Variants in LRMDA observed in about 807,000 individuals in gnomAD.
LRMDA encodes the protein leucine rich melanocyte differentiation associated, also known as leucine-rich melanocyte differentiation-associated protein.
Under a neutral mutation model 29.8 loss-of-function variants are expected in LRMDA, and 18 were observed. That is an observed-to-expected ratio of 0.60 (90% confidence interval 0.42 to 0.90). The LOEUF (loss-of-function observed/expected upper bound fraction) is 0.90, where lower values mean the gene tolerates loss of function less well. LRMDA is among the 40% of genes least tolerant of loss of function. The probability of loss-of-function intolerance (pLI) is 0.00; values close to 1 mark genes in which losing one functional copy is unlikely to be tolerated. For synonymous variants in LRMDA, 125 were observed against 109.4 expected (o/e 1.14, Z -0.89); for missense variants, 273 against 273.9 (o/e 1.00, Z 0.02).
intron 5 of LRMDA, among the ~76,000 whole-genome samples, chr10:76,063,310 G>T (rs919302448): frequency 5.9e-5 from 9 of 152,144 alleles, no homozygotes; most frequent in African/African-American, 1.7e-4. Context: ...GTTTATGTGG[G>T]CACAGTGTGT....
At chr10:75,464,806 T>C (rs1169565708) in intron 2 of LRMDA, among the ~76,000 whole-genome samples, 1 of 152,122 alleles carries the variant, frequency 6.6e-6, no homozygotes, top group South Asian at 2.1e-4. Flanking sequence ...AAGGGCAAAA[T>C]ATGTGCAGCC....
At chr10:75,596,390 C>T (rs867334352) in intron 2 of LRMDA, among the ~76,000 whole-genome samples, 1 of 152,190 alleles carries the variant, frequency 6.6e-6, no homozygotes, top group Non-Finnish European at 1.5e-5. Flanking sequence ...TGAGTTTGTC[C>T]AGTTAGTTGG....
intron 2 of LRMDA, among the ~76,000 whole-genome samples, chr10:75,919,031 A>G (rs940743455): frequency 2.0e-5 from 3 of 152,178 alleles, no homozygotes; most frequent in Non-Finnish European, 2.9e-5. Context: ...GGCTTTACGT[A>G]TCTTAAATCA....
At chr10:76,417,110 A>G (rs1450502519) in intron 6 of LRMDA, among the ~76,000 whole-genome samples, 1 of 152,172 alleles carries the variant, frequency 6.6e-6, no homozygotes, top group African/African-American at 2.4e-5. Context: ...GAAATTACAG[A>G]TTGCATCAAC....
chr10:75,478,726 G>A (rs1844823934), intron 2 of LRMDA, among the ~76,000 whole-genome samples: 1 of 152,122 alleles, frequency 6.6e-6, no homozygotes, highest in South Asian at 2.1e-4. Flanking sequence ...AATACATAAG[G>A]ATTTCCGTGG....
intron 5 of LRMDA, among the ~76,000 whole-genome samples, chr10:76,104,914 G>T (rs1276405022): frequency 6.6e-6 from 1 of 152,056 alleles, no homozygotes; most frequent in East Asian, 1.9e-4. Context: ...CTCCATTGCT[G>T]TTTCTAGAAT....
At chr10:76,035,611 G>A (rs552652713) in intron 2 of LRMDA, among the ~76,000 whole-genome samples, 11 of 152,356 alleles carry the variant, frequency 7.2e-5, no homozygotes, top group African/African-American at 2.6e-4. Flanking sequence ...TTGAATTTGT[G>A]TCCAGGGAAT....
At chr10:75,647,043 G>T (rs1174832616) in intron 2 of LRMDA, among the ~76,000 whole-genome samples, 1 of 148,162 alleles carries the variant, frequency 6.7e-6, no homozygotes, top group Middle Eastern at 3.4e-3. Context: ...AAACTTGGCC[G>T]GCAGTCCCAT....
At chr10:76,064,058 A>T (rs1300449613) in intron 5 of LRMDA, among the ~76,000 whole-genome samples, 2 of 152,208 alleles carry the variant, frequency 1.3e-5, no homozygotes, top group South Asian at 2.1e-4. Flanking sequence ...ATATTGGAAG[A>T]TCCATCATGA....
chr10:75,760,393 G>C lies in LRMDA; in HGVS notation c.132-275615G>C, dbSNP rs144257435. Among the ~76,000 whole-genome samples the C allele has an allele frequency of 4.2e-3, 639 of 152,292 alleles. 1 individual carries two copies. Among genetic ancestry groups the C allele is most frequent in the Non-Finnish European group, 7.2e-3 (488 of 68,026 alleles). On this transcript the variant is annotated intron_variant, in intron 2 of 6. Transcript: ENST00000611255. ...AATGGATGCCTGGACCCCCAAGATGGGATTGAGAGTGGCTGGAAAGGGCAG... is the reference window on the plus strand; with the variant it reads ...AATGGATGCCTGGACCCCCAAGATGCGATTGAGAGTGGCTGGAAAGGGCAG...
rs1183989010 is a variant in LRMDA at position 75,578,215 on chromosome 10, CAAAAAAAA to C, written c.131+139738_131+139745del. On this transcript the variant is annotated intron_variant, in intron 2 of 6. Coordinates refer to ENST00000611255, the MANE Select transcript of LRMDA (RefSeq NM_001305581.2). ...GTATATTTACCAAGCAAATGGAAAG[CAAAAAAAA>C]AAAAAAAAAAAAAAAAGCAGCAGTT... 4.9e-4 allele frequency among the ~76,000 whole-genome samples: 7 copies of C among 14,226 alleles called. 1 individual carries two copies. Among genetic ancestry groups the C allele is most frequent in the East Asian group, 0.02 (2 of 98 alleles). 9.3% of individuals were successfully genotyped at this position (14,226 alleles called of 152,430 possible). A position where few individuals can be genotyped will look rare whatever the true frequency, so the allele number is the denominator to read the frequency against.
At chr10:76,058,947 G>A (rs7067908) in intron 5 of LRMDA, among the ~76,000 whole-genome samples, 164 bp downstream of exon 5, 168 of 152,306 alleles carry the variant, frequency 1.1e-3, no homozygotes, top group African/African-American at 4.0e-3. Context: ...AATAGGGTTA[G>A]GTGTAAATTG....
At chr10:75,522,167 T>G (rs937280373) in intron 2 of LRMDA, among the ~76,000 whole-genome samples, 1 of 152,230 alleles carries the variant, frequency 6.6e-6, no homozygotes, top group Non-Finnish European at 1.5e-5. Flanking sequence ...ATTAACTCAC[T>G]TAGTCCTTAT....
intron 2 of LRMDA, among the ~76,000 whole-genome samples, chr10:76,004,116 A>G (rs1589284478): frequency 6.6e-6 from 1 of 152,254 alleles, no homozygotes; most frequent in Admixed American, 6.5e-5. Context: ...TAGATAATTT[A>G]CAAGTTCACA....
At chr10:76,074,742 T>C (rs1848930837) in intron 5 of LRMDA, among the ~76,000 whole-genome samples, 1 of 152,208 alleles carries the variant, frequency 6.6e-6, no homozygotes, top group African/African-American at 2.4e-5. Context: ...CCTGTCATTT[T>C]TTTTTCCTCC....
intron 5 of LRMDA, among the ~76,000 whole-genome samples, chr10:76,194,028 A>G (rs1044628164): frequency 6.6e-6 from 1 of 152,216 alleles, no homozygotes; most frequent in Non-Finnish European, 1.5e-5. Context: ...GTGCAAAGGT[A>G]CAGAGACTTG....
chr10:75,955,272 G>A (rs541931224), intron 2 of LRMDA, among the ~76,000 whole-genome samples: 2 of 152,266 alleles, frequency 1.3e-5, no homozygotes, highest in East Asian at 1.9e-4. Flanking sequence ...GACTGTAAGA[G>A]AAAGGACTGA....
At chr10:76,300,477 C>T (rs1840466673) in intron 5 of LRMDA, among the ~76,000 whole-genome samples, 1 of 152,166 alleles carries the variant, frequency 6.6e-6, no homozygotes, top group Non-Finnish European at 1.5e-5. Context: ...GGGGAAGGCC[C>T]TTTATTTCCG....
chr10:75,512,284 G>T (rs1281082386), intron 2 of LRMDA, among the ~76,000 whole-genome samples: 1 of 152,078 alleles, frequency 6.6e-6, no homozygotes, highest in African/African-American at 2.4e-5. Flanking sequence ...TGTAGGTGCT[G>T]GTGATCAGAA....
Sources: allele counts gnomAD v4.1 joint callset (sites outside exome capture counted in the v4.1 genomes callset), GRCh38; gene constraint gnomAD v4.1.1; transcripts MANE v1.5; gene names NCBI Gene and HGNC (gene_info 2026-07-23, HGNC 2026-07-21).